Variants in COX15 observed in about 807,000 individuals in gnomAD.
COX15 encodes cytochrome c oxidase assembly factor COX15.
In COX15, 51 loss-of-function variants were observed where a neutral mutation model predicts 51.9. That is an observed-to-expected ratio of 0.98 (90% CI 0.78 to 1.24). The LOEUF is 1.24. Ranked by LOEUF, COX15 falls within the 50% of genes most tolerant of loss-of-function variation. COX15 has a pLI of 0.00. For synonymous variants in COX15, 188 were observed against 190.5 expected, an observed-to-expected ratio of 0.99 and a Z score of 0.11; for missense variants, 420 against 501.1, an observed-to-expected ratio of 0.84 and a Z score of 1.55.
chr10:99,729,835 A>C (rs146537985), intron 1 of COX15, 101 bp from the exon 2 acceptor site: 3 of 1,117,712 alleles, frequency 2.7e-6, no homozygotes. Flanking sequence ...TAGCATCCCC[A>C]CAGCCATGTC....
chr10:99,719,576 G>A (rs1414477074), intron 6 of COX15, among the ~76,000 whole-genome samples: 1 of 151,806 alleles, frequency 6.6e-6, no homozygotes, highest in African/African-American at 2.4e-5. Context: ...CTGCAGCCTC[G>A]ACCTCCTGGG....
chr10:99,702,580 A>C, the COX15 span: 1 of 1,613,216 alleles, frequency 6.2e-7, no homozygotes, highest in African/African-American at 1.3e-5. Context: ...CCCTATGACT[A>C]CCCAAACCTG....
At chr10:99,705,781 A>G in the COX15 span, 1 of 152,252 alleles carries the variant, frequency 6.6e-6, no homozygotes. Context: ...TCTGTTAATA[A>G]GCCATCTGGC....
chr10:99,713,156 TTC>T lies in COX15; in HGVS notation c.*1429_*1430del, dbSNP rs886046609. 42 of 1,338,410 alleles carry T rather than the reference TTC, an allele frequency of 3.1e-5. No individual in the cohort carries two copies. The Admixed American group carries it at 6.1e-4, about 19-fold the overall frequency. The allele number at this position is 1,338,410 out of a possible 1,614,324, so 82.9% of individuals were successfully genotyped here. A position where few individuals can be genotyped will look rare whatever the true frequency, so the allele number is the denominator to read the frequency against. ...ATAAAACCTGAAGTACCACTAATTT[TTC>T]TGTTATCATATAATAACAACATGAA... On this transcript the variant is annotated 3_prime_UTR_variant, in exon 9 of 9. Transcript: ENST00000016171.
At chr10:99,703,107 A>T in the COX15 span, among the ~76,000 whole-genome samples, 26 of 152,350 alleles carry the variant, frequency 1.7e-4, no homozygotes, top group East Asian at 1.9e-3. Flanking sequence ...ACATTGTGTC[A>T]TTGACTTAGA....
At position 99,712,552 on chromosome 10, in the gene COX15, T is replaced by C. The variant is rs1177430984; in HGVS notation, c.*2035A>G. The C allele has an allele frequency of 3.0e-6, 3 of 984,940 alleles. No homozygotes were observed. The highest frequency in any genetic ancestry group is 1.2e-6 in the Non-Finnish European group (1 of 829,446). The allele number at this position is 984,940 out of a possible 1,614,324, so 61.0% of individuals were successfully genotyped here. On this transcript the variant is annotated 3_prime_UTR_variant, in exon 9 of 9. Coordinates refer to ENST00000016171, the MANE Select transcript of COX15 (RefSeq NM_078470.6). ...GGATGAAATCCAGATGTTCTTCCTT[T>C]GTATTTGTATTGTCACTGTATGGAA... is the stretch of plus-strand genomic sequence containing the variant.
chr10:99,712,321 A>C lies in COX15; in HGVS notation c.*2266T>G. 1.0e-6 allele frequency: 1 copy of C among 985,398 alleles called. No homozygotes were observed. Among genetic ancestry groups the C allele is most frequent in the Non-Finnish European group, 1.2e-6 (1 of 829,882 alleles). 61.0% of individuals were successfully genotyped at this position (985,398 alleles called of 1,614,324 possible). A position where few individuals can be genotyped will look rare whatever the true frequency, so the allele number is the denominator to read the frequency against. On this transcript the variant is annotated 3_prime_UTR_variant, in exon 9 of 9. Transcript: ENST00000016171. ...AGAGACTAACGGGAAACGTTAGGTCATTTATGGCTCTCAGACACGTTAAGC... is the reference window on the plus strand; with the variant it reads ...AGAGACTAACGGGAAACGTTAGGTCCTTTATGGCTCTCAGACACGTTAAGC...
At chr10:99,726,811 G>C (rs1345255972) in intron 4 of COX15, among the ~76,000 whole-genome samples, 157 bp downstream of exon 4, 2 of 151,648 alleles carry the variant, frequency 1.3e-5, no homozygotes, top group South Asian at 4.2e-4. Flanking sequence ...GTATGAACCT[G>C]GGAGGCGGAG....
the COX15 span, chr10:99,698,917 A>T: frequency 6.7e-7 from 1 of 1,489,210 alleles, no homozygotes; most frequent in East Asian, 2.3e-5. Flanking sequence ...TGAATGCCTC[A>T]CTCTGTGCCA....
At chr10:99,705,909 TCTC>T (rs1286521999), downstream of COX15, 1 of 152,196 alleles carries the variant, frequency 6.6e-6, no homozygotes, top group African/African-American at 2.4e-5. Context: ...GAGCTTTGCT[TCTC>T]CTCCACATTT....
chr10:99,709,744 A>G (rs879420594), downstream of COX15: 1 of 985,190 alleles, frequency 1.0e-6, no homozygotes, highest in African/African-American at 1.7e-5. Context: ...CTGTCTACTT[A>G]TCTTCCTTAT....
chr10:99,700,666 A>G, the COX15 span, among the ~76,000 whole-genome samples: 3 of 152,192 alleles, frequency 2.0e-5, no homozygotes, highest in African/African-American at 7.2e-5. Context: ...TGCTCATGTC[A>G]GTCCTATGTG....
At chr10:99,727,400 G>GGCC in intron 3 of COX15, 41 bp downstream of exon 3, 2 of 1,607,952 alleles carry the variant, frequency 1.2e-6, no homozygotes, top group South Asian at 2.2e-5. Context: ...AAGATCAAAT[G>GGCC]GGCCTACTGG....
chr10:99,729,556 G>C lies in COX15; in HGVS notation c.269C>G (p.Thr90Ser), dbSNP rs1315870511. The C allele has an allele frequency of 6.2e-7, 1 of 1,612,526 alleles. No homozygotes were observed. The highest frequency in any genetic ancestry group is 1.3e-5 in the African/African-American group (1 of 74,774). Residue 90 changes from threonine to serine, a missense_variant, in exon 2 of 9, where the codon ACT (threonine) becomes AGT (serine). Coordinates refer to ENST00000016171, the MANE Select transcript of COX15 (RefSeq NM_078470.6). Reference sequence around the variant, plus strand: ...TCACTACGAGCAAATTACTTACCTAGTTACTCCACCAAGAATAACTGCTCC... The same window carrying C: ...TCACTACGAGCAAATTACTTACCTACTTACTCCACCAAGAATAACTGCTCC... Reference protein sequence around the residue: ...VAGAVILGGVTRLTESGLSMV... With the variant: ...VAGAVILGGVSRLTESGLSMV...
chr10:99,704,546 G>C, the COX15 span: 1 of 1,614,148 alleles, frequency 6.2e-7, no homozygotes, highest in Admixed American at 1.7e-5. Flanking sequence ...CTGTATCCTG[G>C]TGGTGCTACT....
intron 4 of COX15, among the ~76,000 whole-genome samples, chr10:99,724,858 A>G (rs192368022): frequency 1.2e-4 from 19 of 152,380 alleles, no homozygotes; most frequent in African/African-American, 3.4e-4. Flanking sequence ...AGACAATTAT[A>G]AAAGTTTCAG....
intron 5 of COX15, among the ~76,000 whole-genome samples, chr10:99,723,419 G>T (rs2036843260): frequency 6.6e-6 from 1 of 152,046 alleles, no homozygotes; most frequent in Non-Finnish European, 1.5e-5. Flanking sequence ...TGGGATTACA[G>T]GCGTGAGCCA....
At chr10:99,709,465 CA>C (rs1041324284), downstream of COX15, 2 of 985,152 alleles carry the variant, frequency 2.0e-6, no homozygotes, top group African/African-American at 3.5e-5. Flanking sequence ...CCTGGTGTTA[CA>C]AAAAATATTG....
chr10:99,704,523 A>C, the COX15 span: 9 of 1,614,100 alleles, frequency 5.6e-6, no homozygotes, highest in East Asian at 2.2e-5. Flanking sequence ...TACAACCACT[A>C]TCTCTTCTTT....
Sources: gnomAD v4.1 joint callset for allele counts (sites outside exome capture counted in the v4.1 genomes callset) on GRCh38, gnomAD v4.1.1 for gene constraint, MANE v1.5 for transcripts, NCBI Gene and HGNC (gene_info 2026-07-23, HGNC 2026-07-21) for gene names.